Variants in KLHL4 observed in about 807,000 individuals in gnomAD.
KLHL4 encodes the protein kelch-like protein 4.
In KLHL4, 17 loss-of-function variants were observed where a neutral mutation model predicts 45.8. The ratio of observed to expected loss-of-function variants is 0.37; its 90% CI spans 0.25 to 0.56. The LOEUF is 0.56. Ranked by LOEUF, KLHL4 falls within the 20% of genes least tolerant of loss-of-function variation. The probability of loss-of-function intolerance (pLI) is 0.79; values close to 1 mark genes in which losing one functional copy is unlikely to be tolerated. For missense variants in KLHL4, 544 were observed against 544.9 expected (o/e 1.00, Z 0.02); for synonymous variants, 224 against 189.9 (o/e 1.18, Z -1.47).
At chrX:87,571,670 T>C (rs1414237550) in intron 1 of KLHL4, among the ~76,000 whole-genome samples, 1 of 111,423 alleles carries the variant, frequency 9.0e-6, no homozygotes, top group Non-Finnish European at 1.9e-5. Context: ...TATATTTTTA[T>C]AACACATAAA....
intron 9 of KLHL4, among the ~76,000 whole-genome samples, chrX:87,650,627 T>A (rs755112378): frequency 8.0e-5 from 9 of 112,334 alleles, no homozygotes; most frequent in African/African-American, 2.9e-4. Flanking sequence ...TAGCTCTTGG[T>A]TTTCCATATA....
intron 9 of KLHL4, among the ~76,000 whole-genome samples, chrX:87,637,120 A>C (rs1196080986): frequency 9.0e-6 from 1 of 111,469 alleles, no homozygotes; most frequent in African/African-American, 3.3e-5. Flanking sequence ...CCACGAGAGT[A>C]GGTGCTAGTA....
intron 9 of KLHL4, among the ~76,000 whole-genome samples, chrX:87,652,065 A>G (rs145924438): frequency 0.035 from 3,952 of 112,531 alleles, 154 homozygotes; most frequent in African/African-American, 0.12. Context: ...CACCACATGG[A>G]AGTTGCCAGG....
At chrX:87,552,079 C>CA (rs1931839134) in intron 1 of KLHL4, among the ~76,000 whole-genome samples, 2 of 110,784 alleles carry the variant, frequency 1.8e-5, no homozygotes, top group African/African-American at 3.3e-5. Context: ...TTTTGCATGG[C>CA]AAAAAAACAG....
chrX:87,572,702 G>A (rs1472194898), intron 1 of KLHL4, among the ~76,000 whole-genome samples: 1 of 108,596 alleles, frequency 9.2e-6, no homozygotes, highest in Non-Finnish European at 1.9e-5. Context: ...TAGTTGAATA[G>A]TAAAACTTAT....
intron 10 of KLHL4, among the ~76,000 whole-genome samples, chrX:87,666,186 C>G (rs1460783809): frequency 9.0e-6 from 1 of 111,042 alleles, no homozygotes; most frequent in Non-Finnish European, 1.9e-5. Context: ...TCACAAAAAC[C>G]TTGACGTGTT....
At position 87,668,965 on chromosome X, in the gene KLHL4, G is replaced by T; in HGVS notation, c.*2431G>T. ...TAGATGAGCTGCCAAAATCTGAGCAGATATGAGCCATCAGAATAGAGACCT... is the reference window on the plus strand; with the variant it reads ...TAGATGAGCTGCCAAAATCTGAGCATATATGAGCCATCAGAATAGAGACCT... On this transcript the variant is annotated 3_prime_UTR_variant, in exon 11 of 11. Coordinates refer to ENST00000373119, the MANE Select transcript of KLHL4 (RefSeq NM_019117.5). The T allele has an allele frequency of 2.3e-5, 18 of 769,549 alleles. No homozygotes were observed. The highest frequency in any genetic ancestry group is 2.8e-5 in the Non-Finnish European group (18 of 649,324). The allele number at this position is 769,549 out of a possible 1,213,427, so 63.4% of individuals were successfully genotyped here.
chrX:87,597,951 C>T (rs755331488), intron 1 of KLHL4, among the ~76,000 whole-genome samples: 65 of 105,306 alleles, frequency 6.2e-4, no homozygotes, highest in Non-Finnish European at 2.1e-4. Context: ...CTTTATAATG[C>T]TTTTCCAGTG....
intron 3 of KLHL4, among the ~76,000 whole-genome samples, chrX:87,615,545 A>G (rs1922529796): frequency 9.0e-6 from 1 of 111,548 alleles, no homozygotes; most frequent in Non-Finnish European, 1.9e-5. Flanking sequence ...TCACATAAGC[A>G]TCATTCATAA....
At chrX:87,621,485 TTTA>T (rs745628124) in intron 4 of KLHL4, among the ~76,000 whole-genome samples, 2 of 99,586 alleles carry the variant, frequency 2.0e-5, no homozygotes, top group South Asian at 4.5e-4. Context: ...AATATATAAA[TTTA>T]TTATTATTTT....
chrX:87,601,287 A>G (rs1316806072), intron 1 of KLHL4, among the ~76,000 whole-genome samples: 1 of 110,960 alleles, frequency 9.0e-6, no homozygotes, highest in African/African-American at 3.3e-5. Flanking sequence ...GTCCTGTCCA[A>G]CTCTTGACTT....
intron 4 of KLHL4, among the ~76,000 whole-genome samples, chrX:87,621,177 C>A (rs897575575): frequency 9.0e-6 from 1 of 111,562 alleles, no homozygotes; most frequent in African/African-American, 3.3e-5. Context: ...TATTTAGAGA[C>A]CCCAATTATT....
At chrX:87,642,125 C>T (rs959734607) in intron 9 of KLHL4, among the ~76,000 whole-genome samples, 3 of 110,863 alleles carry the variant, frequency 2.7e-5, no homozygotes, top group African/African-American at 9.9e-5. Flanking sequence ...GCTAAGAATC[C>T]TCACAGACTC....
intron 1 of KLHL4, among the ~76,000 whole-genome samples, chrX:87,552,550 G>T (rs1259509429): frequency 9.0e-6 from 1 of 110,615 alleles, no homozygotes; most frequent in Non-Finnish European, 1.9e-5. Context: ...CCCACTACTT[G>T]GTATCTACCC....
chrX:87,660,523 T>C (rs188747312), intron 9 of KLHL4, among the ~76,000 whole-genome samples: 235 of 112,118 alleles, frequency 2.1e-3, no homozygotes, highest in Non-Finnish European at 3.0e-3. Context: ...AAAATAATTA[T>C]GGTATCTTAA....
chrX:87,637,913 C>T (rs1372754735), intron 9 of KLHL4, among the ~76,000 whole-genome samples: 1 of 111,887 alleles, frequency 8.9e-6, no homozygotes, highest in Non-Finnish European at 1.9e-5. Context: ...CATGCCACTG[C>T]ACTCCAGCCT....
At chrX:87,635,029 A>G (rs1486507136) in intron 8 of KLHL4, among the ~76,000 whole-genome samples, 1 of 112,096 alleles carries the variant, frequency 8.9e-6, no homozygotes, top group African/African-American at 3.2e-5. Context: ...GAGAAATGTC[A>G]TAGCCAATAT....
intron 9 of KLHL4, among the ~76,000 whole-genome samples, chrX:87,654,290 C>T (rs1344034635): frequency 1.8e-5 from 2 of 110,909 alleles, no homozygotes; most frequent in Non-Finnish European, 3.8e-5. Context: ...CATTTCTCAC[C>T]ACCCTCCACC....
At chrX:87,634,964 T>A (rs1923214836) in intron 8 of KLHL4, among the ~76,000 whole-genome samples, 1 of 111,845 alleles carries the variant, frequency 8.9e-6, no homozygotes, top group African/African-American at 3.2e-5. Context: ...ATGATAACTT[T>A]AAAATTATAT....
Sources: allele counts gnomAD v4.1 joint callset (sites outside exome capture counted in the v4.1 genomes callset), GRCh38; gene constraint gnomAD v4.1.1; transcripts MANE v1.5; gene names NCBI Gene and HGNC (gene_info 2026-07-23, HGNC 2026-07-21).